Variants in RBFOX1 observed in about 807,000 individuals in gnomAD.
RBFOX1 encodes RNA binding fox-1 homolog 1.
A neutral mutation model predicts 57.7 loss-of-function variants in RBFOX1; 8 were observed. That is an observed-to-expected ratio of 0.14 (90% CI 0.08 to 0.25). The LOEUF is 0.25. Ranked by LOEUF, RBFOX1 falls within the 10% of genes least tolerant of loss-of-function variation. The probability of loss-of-function intolerance (pLI) is 1.00; values close to 1 mark genes in which losing one functional copy is unlikely to be tolerated. For synonymous variants in RBFOX1, 326 were observed against 222.4 expected, an observed-to-expected ratio of 1.47 and a Z score of -4.15; for missense variants, 611 against 548.5, an observed-to-expected ratio of 1.11 and a Z score of -1.14.
rs542662260 is a variant in RBFOX1 at position 5,901,365 on chromosome 16, C to T, written c.351+34030C>T. 9.2e-5 allele frequency among the ~76,000 whole-genome samples: 14 copies of T among 152,250 alleles called. No homozygotes were observed. In the South Asian group the frequency reaches 2.9e-3, roughly 32 times the overall value. ...AATTCACCTTGCACCCTGTAGCTGGCGATGACTTCCCAGAGCTGAGCAATG... is the reference window on the plus strand; with the variant it reads ...AATTCACCTTGCACCCTGTAGCTGGTGATGACTTCCCAGAGCTGAGCAATG... On this transcript the variant is annotated intron_variant, in intron 4 of 19. Transcript: ENST00000641259.
At chr16:6,816,215 G>T (rs1411037597) in intron 3 of RBFOX1, among the ~76,000 whole-genome samples, 1 of 152,068 alleles carries the variant, frequency 6.6e-6, no homozygotes, top group Non-Finnish European at 1.5e-5. Context: ...GGAGACTGAG[G>T]TGAGGATTGC....
intron 1 of RBFOX1, among the ~76,000 whole-genome samples, chr16:5,266,598 A>C (rs1464448409): frequency 1.5e-5 from 2 of 133,066 alleles, no homozygotes; most frequent in Non-Finnish European, 3.1e-5. Context: ...CCCAGGCTGG[A>C]GCACAGTGGC....
chr16:5,285,053 C>T (rs574215787), intron 1 of RBFOX1, among the ~76,000 whole-genome samples: 41 of 152,172 alleles, frequency 2.7e-4, no homozygotes, highest in African/African-American at 8.9e-4. Flanking sequence ...AATAGGTTTT[C>T]TATGCCTTTA....
intron 4 of RBFOX1, among the ~76,000 whole-genome samples, chr16:5,984,645 A>G (rs933285567): frequency 2.6e-5 from 4 of 152,144 alleles, no homozygotes; most frequent in Admixed American, 1.3e-4. Flanking sequence ...CTGTACAGGC[A>G]TAGCTCTCTT....
chr16:5,641,725 G>A (rs897856404), intron 3 of RBFOX1, among the ~76,000 whole-genome samples: 1 of 152,186 alleles, frequency 6.6e-6, no homozygotes, highest in Admixed American at 6.5e-5. Flanking sequence ...CTTAGGAATA[G>A]CAAGGAGCTC....
At chr16:7,524,869 A>C (rs943274435) in intron 5 of RBFOX1, among the ~76,000 whole-genome samples, 3 of 152,232 alleles carry the variant, frequency 2.0e-5, no homozygotes, top group Non-Finnish European at 2.9e-5. Flanking sequence ...ACTAAGGTAT[A>C]GGAAAAACTT....
rs948247610 is a variant in RBFOX1 at position 7,503,706 on chromosome 16, G to A, written c.28-14441G>A. ...GCTTCCCGCATACCCAGGAGGTGGAGAATCCCTATTGAATTAAAATTCAAA... is the reference window on the plus strand; with the variant it reads ...GCTTCCCGCATACCCAGGAGGTGGAAAATCCCTATTGAATTAAAATTCAAA... On this transcript the variant is annotated intron_variant, in intron 4 of 15. Coordinates refer to ENST00000550418, the MANE Select transcript of RBFOX1 (RefSeq NM_018723.4). 7.2e-5 allele frequency among the ~76,000 whole-genome samples: 11 copies of A among 152,328 alleles called. No individual in the cohort carries two copies. In the Middle Eastern group the frequency reaches 0.01, roughly 141 times the overall value.
chr16:7,506,619 T>C (rs1444430226), intron 4 of RBFOX1, among the ~76,000 whole-genome samples: 1 of 151,128 alleles, frequency 6.6e-6, no homozygotes, highest in Non-Finnish European at 1.5e-5. Context: ...ACCACCACCA[T>C]CTTTGCTTTT....
rs145436614 is a variant in RBFOX1, at chr16:6,839,437, A to C, written c.-16+184787A>C. Among the ~76,000 whole-genome samples the C allele has an allele frequency of 2.6e-4, 39 of 152,298 alleles. 1 individual carries two copies. The East Asian group carries it at 6.0e-3, about 23-fold the overall frequency. ...TCGACAGACTCAATAAACACCCTGA[A>C]ATTTAACATGCTTCTGCTATCTGCT... is the stretch of plus-strand genomic sequence containing the variant. On this transcript the variant is annotated intron_variant, in intron 3 of 15. Coordinates refer to ENST00000550418, the MANE Select transcript of RBFOX1 (RefSeq NM_018723.4).
intron 1 of RBFOX1, among the ~76,000 whole-genome samples, chr16:5,247,414 C>T (rs1262585025): frequency 1.3e-5 from 2 of 152,202 alleles, no homozygotes. Flanking sequence ...AAGGATGGTG[C>T]TGCTGGGAGA....
intron 3 of RBFOX1, among the ~76,000 whole-genome samples, chr16:5,860,785 A>T (rs2057193376): frequency 6.6e-6 from 1 of 152,182 alleles, no homozygotes; most frequent in Non-Finnish European, 1.5e-5. Flanking sequence ...AACATCATGA[A>T]AAAAGCCAAG....
chr16:6,355,986 C>T (rs1214641300), intron 2 of RBFOX1, among the ~76,000 whole-genome samples: 1 of 152,110 alleles, frequency 6.6e-6, no homozygotes, highest in Non-Finnish European at 1.5e-5. Flanking sequence ...AAAGCTGAAG[C>T]AATTTAAACA....
chr16:6,292,292 T>C (rs2077549843), intron 1 of RBFOX1, among the ~76,000 whole-genome samples: 1 of 151,480 alleles, frequency 6.6e-6, no homozygotes, highest in South Asian at 2.1e-4. Flanking sequence ...GCTGAATTTT[T>C]CCAATAAAGT....
chr16:5,627,883 C>T (rs2048391042), intron 3 of RBFOX1, among the ~76,000 whole-genome samples: 4 of 152,010 alleles, frequency 2.6e-5, no homozygotes, highest in South Asian at 2.1e-4. Flanking sequence ...TTTTAGTATC[C>T]ACAAGGGGGG....
intron 5 of RBFOX1, among the ~76,000 whole-genome samples, chr16:7,572,197 G>C (rs923603823): frequency 1.3e-5 from 2 of 152,128 alleles, no homozygotes; most frequent in Non-Finnish European, 2.9e-5. Context: ...TTATACAAGG[G>C]ACTTAACCAT....
At chr16:5,363,005 A>G (rs1293523265) in intron 1 of RBFOX1, among the ~76,000 whole-genome samples, 1 of 146,060 alleles carries the variant, frequency 6.8e-6, no homozygotes, top group Non-Finnish European at 1.5e-5. Context: ...GAGTGCAAAT[A>G]TCTCTTTGAG....
intron 4 of RBFOX1, among the ~76,000 whole-genome samples, chr16:7,426,987 C>G (rs1395084165): frequency 6.6e-6 from 1 of 152,150 alleles, no homozygotes; most frequent in Non-Finnish European, 1.5e-5. Context: ...AGCTGGAAAC[C>G]ATCATTCTCA....
At chr16:5,763,544 G>A (rs1479376202) in intron 3 of RBFOX1, among the ~76,000 whole-genome samples, 1 of 152,228 alleles carries the variant, frequency 6.6e-6, no homozygotes, top group African/African-American at 2.4e-5. Context: ...TATTTTCACC[G>A]AGTAAATTGC....
At chr16:7,102,540 C>T (rs1416951241) in intron 4 of RBFOX1, among the ~76,000 whole-genome samples, 1 of 152,138 alleles carries the variant, frequency 6.6e-6, no homozygotes, top group East Asian at 1.9e-4. Context: ...ATTAAATTCC[C>T]TTTAAGGTTT....
Sources: gnomAD v4.1 joint callset for allele counts (sites outside exome capture counted in the v4.1 genomes callset) on GRCh38, gnomAD v4.1.1 for gene constraint, MANE v1.5 for transcripts, NCBI Gene and HGNC (gene_info 2026-07-23, HGNC 2026-07-21) for gene names.